ACLY: variants seen among roughly 807,000 people sequenced by gnomAD.
ACLY encodes the protein ATP citrate lyase.
A neutral mutation model predicts 133.0 loss-of-function variants in ACLY; 41 were observed. That is an observed-to-expected ratio of 0.31 (90% CI 0.24 to 0.40). ACLY has a LOEUF of 0.40. ACLY is among the 10% of genes least tolerant of loss of function. The pLI is 1.00. For synonymous variants in ACLY, 495 were observed against 549.3 expected (o/e 0.90, Z 1.38); for missense variants, 1,046 against 1,453.8 (o/e 0.72, Z 4.56).
chr17:41,920,675 G>A (rs562583276), upstream of ACLY, among the ~76,000 whole-genome samples: 2 of 151,328 alleles, frequency 1.3e-5, no homozygotes, highest in East Asian at 3.9e-4. Flanking sequence ...GGAAGGCCAA[G>A]TCAGGCAGAT....
chr17:41,919,390 C>T (rs1487537430), upstream of ACLY, among the ~76,000 whole-genome samples: 1 of 152,218 alleles, frequency 6.6e-6, no homozygotes, highest in Non-Finnish European at 1.5e-5. Flanking sequence ...TTGGGAGAAA[C>T]GGACGTCTGC....
At chr17:41,907,769 C>T (rs2049766815) in intron 6 of ACLY, among the ~76,000 whole-genome samples, 197 bp from the exon 7 acceptor site, 1 of 152,198 alleles carries the variant, frequency 6.6e-6, no homozygotes. Flanking sequence ...TCTACAAGGC[C>T]ATTCCCCTCT....
intron 1 of ACLY, among the ~76,000 whole-genome samples, chr17:41,915,660 A>C (rs543021562): frequency 4.1e-4 from 63 of 152,134 alleles, no homozygotes; most frequent in African/African-American, 1.4e-3. Context: ...ATGACTTGAG[A>C]TTCCTTCTCA....
At chr17:41,873,091 A>G (rs1389878677) in intron 23 of ACLY, among the ~76,000 whole-genome samples, 1 of 152,150 alleles carries the variant, frequency 6.6e-6, no homozygotes, top group Non-Finnish European at 1.5e-5. Flanking sequence ...CGGGAGGGCT[A>G]AGATTGGGAG....
chr17:41,916,596 C>T (rs2050058515), intron 1 of ACLY, among the ~76,000 whole-genome samples: 2 of 150,796 alleles, frequency 1.3e-5, no homozygotes, highest in Admixed American at 6.6e-5. Context: ...AGGCTGGTCT[C>T]GAACTCCTGA....
At chr17:41,930,115 G>A (rs565872424) in intron 1 of ACLY, among the ~76,000 whole-genome samples, 2 of 152,320 alleles carry the variant, frequency 1.3e-5, no homozygotes, top group Admixed American at 6.5e-5. Context: ...AAATAACTGC[G>A]TTAAATTATG....
intron 16 of ACLY, among the ~76,000 whole-genome samples, chr17:41,890,837 C>CAAAAAAAAAAAAAAAAAAAAAAAAAAA (rs34510712): frequency 1.4e-5 from 1 of 73,190 alleles, no homozygotes; most frequent in African/African-American, 6.1e-5. Context: ...CCCATCTGTA[C>CAAAAAAAAAAAAAAAAAAAAAAAAAAA]AAAAAAAAAA....
At chr17:41,912,894 T>C (rs1329755009) in intron 2 of ACLY, among the ~76,000 whole-genome samples, 2 of 152,176 alleles carry the variant, frequency 1.3e-5, no homozygotes, top group East Asian at 1.9e-4. Flanking sequence ...AGAACATGTG[T>C]TCCAAAGAGG....
chr17:41,874,285 G>C (rs1269267776), intron 22 of ACLY, among the ~76,000 whole-genome samples: 1 of 152,138 alleles, frequency 6.6e-6, no homozygotes, highest in Non-Finnish European at 1.5e-5. Context: ...CATTTCTGGA[G>C]GGGGACCAGA....
intron 14 of ACLY, 141 bp from the exon 15 acceptor site, chr17:41,893,315 G>A (rs2049269134): frequency 2.0e-6 from 2 of 1,014,150 alleles, no homozygotes; most frequent in East Asian, 2.9e-5. Context: ...AATGTCAAGA[G>A]GACAGAATTC....
chr17:41,878,483 C>G (rs1319066646), intron 21 of ACLY, among the ~76,000 whole-genome samples: 1 of 152,070 alleles, frequency 6.6e-6, no homozygotes, highest in Non-Finnish European at 1.5e-5. Flanking sequence ...TATCTAATAA[C>G]TCTCTATCAA....
At chr17:41,880,558 A>G (rs1280912429) in intron 20 of ACLY, among the ~76,000 whole-genome samples, 3 of 152,150 alleles carry the variant, frequency 2.0e-5, no homozygotes, top group African/African-American at 7.2e-5. Flanking sequence ...AAGGGAGATG[A>G]ATTATTTAAA....
In ACLY at chr17:41,886,315, G is replaced by A; in HGVS notation, c.1876-7C>T. On this transcript the variant is annotated splice_region_variant and splice_polypyrimidine_tract_variant and intron_variant, in intron 17 of 28. Transcript: ENST00000352035. Reference sequence around the variant, plus strand: ...CAGGCTTGATGCCTCCAACCTGTGGGGGCAGAAACCACAATCAGGGAGGAA... The same window carrying A: ...CAGGCTTGATGCCTCCAACCTGTGGAGGCAGAAACCACAATCAGGGAGGAA... The A allele has an allele frequency of 6.3e-7, 1 of 1,596,514 alleles. No homozygotes were observed. The highest frequency in any genetic ancestry group is 8.6e-7 in the Non-Finnish European group (1 of 1,166,690).
At chr17:41,904,289 A>G (rs1172412303) in intron 10 of ACLY, among the ~76,000 whole-genome samples, 7 of 97,908 alleles carry the variant, frequency 7.1e-5, no homozygotes, top group South Asian at 9.5e-4. Context: ...GGGAGGAAGG[A>G]AAGGGAGGGA....
At chr17:41,919,046 C>A (rs2050135577), upstream of ACLY, 1 of 1,281,826 alleles carries the variant, frequency 7.8e-7, no homozygotes, top group Non-Finnish European at 1.0e-6. Flanking sequence ...CCGCGATTGG[C>A]CACACGCGTT....
At position 41,868,794 on chromosome 17, in the gene ACLY, C is replaced by T. The variant is rs2048528995; in HGVS notation, c.3135-9G>A. On this transcript the variant is annotated splice_polypyrimidine_tract_variant and intron_variant, in intron 27 of 28. Coordinates refer to ENST00000352035, the MANE Select transcript of ACLY (RefSeq NM_001096.3). ...ATTCATCAGCTTCCTCCCTGCAACACACATCAACTTGTAGTTTTAAAAGGC... is the reference window on the plus strand; with the variant it reads ...ATTCATCAGCTTCCTCCCTGCAACATACATCAACTTGTAGTTTTAAAAGGC... 1.9e-6 allele frequency: 3 copies of T among 1,613,582 alleles called. No individual in the cohort carries two copies. The highest frequency in any genetic ancestry group is 1.7e-6 in the Non-Finnish European group (2 of 1,179,796).
In ACLY at chr17:41,913,721, G is replaced by C; in HGVS notation, c.153C>G (p.Leu51=). The change falls in exon 2 of 29, where the codon CTC becomes CTG. Residue 51 remains leucine (L), a synonymous_variant. Transcript: ENST00000352035. ...AAGTGGAGGCAGGGCTCACCTGGCT[G>C]AGCAGCCAGGGGTGGTCCTGCAGCA... is the stretch of plus-strand genomic sequence containing the variant. The part of the protein sequence containing the change: ...ARLLQDHPWL[L]SQNLVVKPDQ... 1.2e-6 allele frequency: 2 copies of C among 1,613,944 alleles called. No individual in the cohort carries two copies. Among genetic ancestry groups the C allele is most frequent in the South Asian group, 1.1e-5 (1 of 91,080 alleles).
intron 16 of ACLY, among the ~76,000 whole-genome samples, chr17:41,888,092 C>T (rs2049102656): frequency 2.6e-5 from 4 of 152,152 alleles, no homozygotes. Context: ...GGCACCACTG[C>T]ACTCCAGCCT....
chr17:41,867,580 T>C lies in ACLY; in HGVS notation c.*230A>G, dbSNP rs1343550842. 1.2e-5 allele frequency: 4 copies of C among 336,334 alleles called. No homozygotes were observed. The highest frequency in any genetic ancestry group is 2.2e-5 in the Non-Finnish European group (4 of 185,346). The allele number at this position is 336,334 out of a possible 1,614,324, so 20.8% of individuals were successfully genotyped here. On this transcript the variant is annotated 3_prime_UTR_variant, in exon 29 of 29. Transcript: ENST00000352035. ...GCAGGTAGCAGAGCAAAGTCACAAATATTGGCTTGGTTTTTATTTCTATGC... is the reference window on the plus strand; with the variant it reads ...GCAGGTAGCAGAGCAAAGTCACAAACATTGGCTTGGTTTTTATTTCTATGC...
Sources: gnomAD v4.1 joint callset for allele counts (sites outside exome capture counted in the v4.1 genomes callset) on GRCh38, gnomAD v4.1.1 for gene constraint, MANE v1.5 for transcripts, NCBI Gene and HGNC (gene_info 2026-07-23, HGNC 2026-07-21) for gene names.